Variants in EYS observed in about 807,000 individuals in gnomAD.
EYS encodes the protein protein eyes shut homolog.
In EYS, 250 loss-of-function variants were observed where a neutral mutation model predicts 282.1. That is an observed-to-expected ratio of 0.89 (90% confidence interval 0.80 to 0.98). The LOEUF is 0.98. Among genes scored for constraint, EYS ranks in the 50% least tolerant of loss-of-function variants. The pLI is 0.00. For synonymous variants in EYS, 1,355 were observed against 1,282.9 expected, an observed-to-expected ratio of 1.06 and a Z score of -1.20; for missense variants, 4,016 against 3,709.0, an observed-to-expected ratio of 1.08 and a Z score of -2.15.
intron 2 of EYS, among the ~76,000 whole-genome samples, chr6:65,621,708 T>A (rs1040474721): frequency 1.3e-5 from 2 of 152,120 alleles, no homozygotes; most frequent in African/African-American, 4.8e-5. Context: ...TTCCTTTCCA[T>A]GTTTAGCACT....
chr6:64,777,771 A>G (rs895247287), intron 22 of EYS, among the ~76,000 whole-genome samples: 4 of 152,290 alleles, frequency 2.6e-5, no homozygotes, highest in Non-Finnish European at 5.9e-5. Flanking sequence ...CAGCAATCCT[A>G]AATGCTAACA....
chr6:64,894,190 T>G (rs1767380488), intron 18 of EYS, among the ~76,000 whole-genome samples: 1 of 152,114 alleles, frequency 6.6e-6, no homozygotes, highest in Admixed American at 6.6e-5. Flanking sequence ...TGTTTTCTAA[T>G]GTTTACCAAT....
Position 63,762,595 on chromosome 6 carries a change from G to A in EYS, c.7937C>T (p.Thr2646Ile), listed in dbSNP as rs949510910. 6.5e-6 allele frequency: 10 copies of A among 1,550,198 alleles called. No individual in the cohort carries two copies. In the African/African-American group the frequency reaches 1.1e-4, roughly 17 times the overall value. Reference sequence around the variant, plus strand: ...AGGATCACAGGTAGAAACTGTCTCTGTGCAGAATGATCCTTTCCACCCAGT... The same window carrying A: ...AGGATCACAGGTAGAAACTGTCTCTATGCAGAATGATCCTTTCCACCCAGT... ...CTTGWKGSFC[T>I]ETVSTCDPEH... Residue 2646 changes from threonine (T) to isoleucine (I), a missense_variant, in exon 41 of 43, where the codon ACA (threonine) becomes ATA (isoleucine). Thr to Ile is a moderately conservative substitution (Grantham distance 89). Coordinates refer to ENST00000503581, the MANE Select transcript of EYS (RefSeq NM_001142800.2).
At chr6:65,365,464 C>T (rs1764880855) in intron 8 of EYS, among the ~76,000 whole-genome samples, 1 of 151,654 alleles carries the variant, frequency 6.6e-6, no homozygotes, top group Admixed American at 6.7e-5. Context: ...GTCAGTCCCT[C>T]CTCAGTAATA....
chr6:63,776,164 A>G (rs145904448), intron 40 of EYS, among the ~76,000 whole-genome samples: 49 of 152,284 alleles, frequency 3.2e-4, no homozygotes, highest in Middle Eastern at 6.8e-3. Context: ...AATCCCCAGG[A>G]TATGTGTTAT....
chr6:65,230,815 T>G, intron 12 of EYS, among the ~76,000 whole-genome samples: 1 of 151,682 alleles, frequency 6.6e-6, no homozygotes, highest in Non-Finnish European at 1.5e-5. Context: ...GTAATATGCA[T>G]GTCAAAGCTA....
chr6:63,974,195 A>G (rs1431116434), intron 35 of EYS, among the ~76,000 whole-genome samples: 3 of 152,100 alleles, frequency 2.0e-5, no homozygotes, highest in Non-Finnish European at 4.4e-5. Context: ...TGTAAAAATC[A>G]TAGTGGTTAA....
In EYS at chr6:64,066,361, A is replaced by G. The variant is rs1183277671; in HGVS notation, c.6702T>C (p.Asn2234=). The G allele has an allele frequency of 1.3e-6, 2 of 1,551,588 alleles. No individual in the cohort carries two copies. Among genetic ancestry groups the G allele is most frequent in the East Asian group, 4.9e-5 (2 of 40,916 alleles). ...ACCGTATTGTGATAGGGGTGAATGC[A>G]TTTGTGTTAATGCTGTAATTAGCAG... ...TVSANYSINT[N]AFTPITIRYT... is the part of the protein sequence containing the mutation. The change falls in exon 33 of 43, where the codon AAT becomes AAC. Residue 2234 remains asparagine, a synonymous_variant. Coordinates refer to ENST00000503581, the MANE Select transcript of EYS (RefSeq NM_001142800.2).
chr6:64,339,659 A>G (rs776372479), intron 29 of EYS, among the ~76,000 whole-genome samples: 5 of 151,918 alleles, frequency 3.3e-5, no homozygotes, highest in Non-Finnish European at 5.9e-5. Context: ...AAGTCATTAT[A>G]CAAAAGATAT....
chr6:64,784,177 A>G (rs551266581), intron 22 of EYS, among the ~76,000 whole-genome samples: 12 of 151,976 alleles, frequency 7.9e-5, no homozygotes, highest in African/African-American at 2.7e-4. Flanking sequence ...ACCTATTTTT[A>G]TTGAATTATC....
chr6:64,808,164 C>T (rs374766315), intron 22 of EYS, among the ~76,000 whole-genome samples: 6 of 151,612 alleles, frequency 4.0e-5, no homozygotes, highest in South Asian at 4.2e-4. Context: ...CCTATGATCA[C>T]GATATAGCAC....
At chr6:64,497,657 T>G (rs532831430) in intron 26 of EYS, among the ~76,000 whole-genome samples, 1 of 152,124 alleles carries the variant, frequency 6.6e-6, no homozygotes, top group African/African-American at 2.4e-5. Flanking sequence ...CATGGGTGAG[T>G]GTGACAGACT....
intron 22 of EYS, among the ~76,000 whole-genome samples, chr6:64,656,329 C>T (rs1267485747): frequency 6.6e-6 from 1 of 152,046 alleles, no homozygotes; most frequent in Non-Finnish European, 1.5e-5. Flanking sequence ...GGAGCATTAG[C>T]AATTATTCTT....
Position 64,590,597 on chromosome 6 carries a change from G to T in EYS, c.5270C>A (p.Thr1757Asn). 14 of 1,551,310 alleles carry T rather than the reference G, an allele frequency of 9.0e-6. No homozygotes were observed. The highest frequency in any genetic ancestry group is 1.2e-5 in the Non-Finnish European group (14 of 1,146,746). Residue 1757 changes from threonine to asparagine, a missense_variant, in exon 26 of 43, where the codon ACT becomes AAT. Transcript: ENST00000503581. Reference protein sequence around the residue: ...ELNLQIYPDVTLKTYSEITHA... With the variant: ...ELNLQIYPDVNLKTYSEITHA... ...TGTAATTTCTGAATATGTCTTTAAAGTAACATCCGGATAAATTTGTAAGTT... is the reference window on the plus strand; with the variant it reads ...TGTAATTTCTGAATATGTCTTTAAATTAACATCCGGATAAATTTGTAAGTT...
At chr6:65,539,492 T>G (rs777077824) in intron 2 of EYS, among the ~76,000 whole-genome samples, 21 of 152,168 alleles carry the variant, frequency 1.4e-4, no homozygotes, top group Admixed American at 2.0e-4. Flanking sequence ...TTAAACAGAA[T>G]GATAACACTC....
chr6:65,114,927 CTATAAACTTT>C, intron 12 of EYS, among the ~76,000 whole-genome samples: 1 of 152,072 alleles, frequency 6.6e-6, no homozygotes, highest in African/African-American at 2.4e-5. Flanking sequence ...TCCCATTACC[CTATAAACTTT>C]TCTTTGGCAC....
chr6:65,402,562 C>G lies in EYS; in HGVS notation c.1100G>C (p.Cys367Ser), dbSNP rs935618633. Residue 367 changes from cysteine (C) to serine (S), a missense_variant, in exon 7 of 43, where the codon TGT becomes TCT. Cys to Ser is a moderately radical substitution (Grantham distance 112, BLOSUM62 -1). Coordinates refer to ENST00000503581, the MANE Select transcript of EYS (RefSeq NM_001142800.2). ...ICSPIFTDLL[C>S]KSIQTSCESF... Reference sequence around the variant, plus strand: ...CTCACATGATGTTTGAATGCTCTTACAAAGCAAATCTGTAAATATTGGTGA... The same window carrying G: ...CTCACATGATGTTTGAATGCTCTTAGAAAGCAAATCTGTAAATATTGGTGA... 3 of 1,579,010 alleles carry G rather than the reference C, an allele frequency of 1.9e-6. No homozygotes were observed. In the Admixed American group the frequency reaches 5.0e-5, roughly 26 times the overall value.
intron 2 of EYS, among the ~76,000 whole-genome samples, chr6:65,631,999 T>G (rs1438204906): frequency 6.6e-6 from 1 of 152,148 alleles, no homozygotes; most frequent in African/African-American, 2.4e-5. Context: ...ATGAGGAAAT[T>G]TAATGACAGA....
intron 31 of EYS, among the ~76,000 whole-genome samples, chr6:64,101,107 T>C (rs766736111): frequency 6.6e-6 from 1 of 152,208 alleles, no homozygotes; most frequent in Non-Finnish European, 1.5e-5. Flanking sequence ...TTTTGGCTCT[T>C]ACTGCATTCC....
Sources: gnomAD v4.1 joint callset for allele counts (sites outside exome capture counted in the v4.1 genomes callset) on GRCh38, gnomAD v4.1.1 for gene constraint, MANE v1.5 for transcripts, NCBI Gene and HGNC (gene_info 2026-07-23, HGNC 2026-07-21) for gene names.